The following PRELID2 variants were observed in gnomAD, a reference collection of about 807,000 sequenced individuals.
PRELID2 encodes PRELI domain containing 2.
In PRELID2, 25 loss-of-function variants were observed where a neutral mutation model predicts 28.4. That is an observed-to-expected ratio of 0.88 (90% CI 0.64 to 1.23). The LOEUF (loss-of-function observed/expected upper bound fraction) is 1.23, where lower values mean the gene tolerates loss of function less well. Among genes scored for constraint, PRELID2 ranks in the 50% most tolerant of loss-of-function variants. PRELID2 has a pLI of 0.00. For synonymous variants in PRELID2, 76 were observed against 71.6 expected (o/e 1.06, Z -0.31); for missense variants, 201 against 214.4 (o/e 0.94, Z 0.39).
the PRELID2 span, among the ~76,000 whole-genome samples, chr5:145,320,903 G>T: frequency 6.6e-6 from 1 of 152,164 alleles, no homozygotes; most frequent in African/African-American, 2.4e-5. Flanking sequence ...ATTAACTACT[G>T]TCTGTTGAGC....
At position 145,689,119 on chromosome 5, in the gene PRELID2, A is replaced by G. The variant is rs1328315757; in HGVS notation, n.70+75812T>C. On this transcript the variant is annotated intron_variant and non_coding_transcript_variant, in intron 1 of 2. Coordinates refer to the PRELID2 transcript ENST00000510259. ...TATTATTAAAAAGTATAAATTTGGA[A>G]AAGGGCCGCTGGAGAGATCAAGCCC... Among the ~76,000 whole-genome samples the G allele has an allele frequency of 3.3e-5, 5 of 152,252 alleles. No homozygotes were observed. The East Asian group carries it at 9.7e-4, about 29-fold the overall frequency.
the PRELID2 span, among the ~76,000 whole-genome samples, chr5:145,316,821 C>T: frequency 2.4e-4 from 37 of 152,292 alleles, no homozygotes; most frequent in African/African-American, 8.4e-4. Flanking sequence ...CAAAAGCCAC[C>T]AACAATGTTT....
the PRELID2 span, among the ~76,000 whole-genome samples, chr5:145,340,431 C>G: frequency 6.6e-6 from 1 of 152,156 alleles, no homozygotes; most frequent in Non-Finnish European, 1.5e-5. Context: ...CAGCCCACCA[C>G]TGCCATGACC....
chr5:145,233,303 A>C, the PRELID2 span, among the ~76,000 whole-genome samples: 13 of 152,104 alleles, frequency 8.5e-5, no homozygotes, highest in Non-Finnish European at 1.5e-5. Context: ...TCAAAATGTG[A>C]AGTTCAGATT....
At chr5:145,582,237 T>C (rs1462444841) in intron 1 of PRELID2, among the ~76,000 whole-genome samples, 1 of 152,006 alleles carries the variant, frequency 6.6e-6, no homozygotes, top group Non-Finnish European at 1.5e-5. Flanking sequence ...CTGGATAATT[T>C]ATAAAGAAAA....
chr5:145,415,640 A>G, the PRELID2 span, among the ~76,000 whole-genome samples: 3 of 150,712 alleles, frequency 2.0e-5, no homozygotes, highest in African/African-American at 4.9e-5. Flanking sequence ...ATAGTATTCC[A>G]TGGTGTATAT....
At chr5:145,788,340 G>GT (rs1378184318) in intron 5 of PRELID2, among the ~76,000 whole-genome samples, 2 of 152,192 alleles carry the variant, frequency 1.3e-5, no homozygotes, top group African/African-American at 4.8e-5. Flanking sequence ...TCTTCAGCAT[G>GT]TTTTTGGCAC....
chr5:145,648,371 T>C (rs571630635), intron 1 of PRELID2, among the ~76,000 whole-genome samples: 1 of 152,088 alleles, frequency 6.6e-6, no homozygotes, highest in African/African-American at 2.4e-5. Context: ...AGCAGGTCCA[T>C]GCCTATAAGA....
At chr5:145,297,672 T>C in the PRELID2 span, among the ~76,000 whole-genome samples, 1 of 151,816 alleles carries the variant, frequency 6.6e-6, no homozygotes, top group East Asian at 1.9e-4. Context: ...AAAGAGGAAG[T>C]CAAATTGTCC....
intron 1 of PRELID2, among the ~76,000 whole-genome samples, chr5:145,742,884 A>G (rs766144663): frequency 1.3e-5 from 2 of 152,062 alleles, no homozygotes; most frequent in Non-Finnish European, 2.9e-5. Context: ...CAAATTGCCA[A>G]TATCAGGAAT....
intron 5 of PRELID2, among the ~76,000 whole-genome samples, chr5:145,785,469 C>A (rs1751933806): frequency 6.6e-6 from 1 of 152,198 alleles, no homozygotes; most frequent in African/African-American, 2.4e-5. Flanking sequence ...ATGATGTATA[C>A]TACGATAGTA....
chr5:145,740,992 AAT>A lies in PRELID2; in HGVS notation n.70+23937_70+23938del, dbSNP rs1408651370. ...ATATTATATATTTGTGTATAAATAA[AAT>A]ATATATTATATATTTGTATACAAAT... On this transcript the variant is annotated intron_variant and non_coding_transcript_variant, in intron 1 of 2. Coordinates refer to the PRELID2 transcript ENST00000510259. Among the ~76,000 whole-genome samples the A allele has an allele frequency of 8.4e-3, 949 of 112,972 alleles. 6 individuals carry two copies. The highest frequency in any genetic ancestry group is 0.013 in the Non-Finnish European group (785 of 59,918). 74.1% of individuals were successfully genotyped at this position (112,972 alleles called of 152,430 possible). A position where few individuals can be genotyped will look rare whatever the true frequency, so the allele number is the denominator to read the frequency against.
the PRELID2 span, among the ~76,000 whole-genome samples, chr5:145,367,202 C>T: frequency 8.6e-5 from 13 of 151,872 alleles, no homozygotes; most frequent in Non-Finnish European, 1.6e-4. Flanking sequence ...CCTTCTTTGA[C>T]CACTCTATAT....
chr5:145,490,217 G>A (rs1029280212), intron 1 of PRELID2, among the ~76,000 whole-genome samples: 4 of 152,012 alleles, frequency 2.6e-5, no homozygotes, highest in African/African-American at 9.7e-5. Context: ...TTCTTTGTGC[G>A]CTTATCTAGA....
At chr5:145,600,249 G>A (rs1213981047) in intron 1 of PRELID2, among the ~76,000 whole-genome samples, 3 of 151,210 alleles carry the variant, frequency 2.0e-5, no homozygotes, top group African/African-American at 7.3e-5. Flanking sequence ...TTTGAGTATG[G>A]CACAATAGGT....
At chr5:145,402,822 G>A in the PRELID2 span, among the ~76,000 whole-genome samples, 3 of 152,162 alleles carry the variant, frequency 2.0e-5, no homozygotes, top group African/African-American at 7.2e-5. Flanking sequence ...CTGAATCGAT[G>A]TCATATGTTT....
chr5:145,504,453 A>T (rs4912696), intron 1 of PRELID2, among the ~76,000 whole-genome samples: 27,181 of 152,140 alleles, frequency 0.18, 2,758 homozygotes, highest in South Asian at 0.36. Context: ...AGCGATACAC[A>T]TAACATTTTC....
intron 1 of PRELID2, among the ~76,000 whole-genome samples, chr5:145,654,718 T>C (rs1754361938): frequency 6.6e-6 from 1 of 152,144 alleles, no homozygotes; most frequent in African/African-American, 2.4e-5. Context: ...CTAAAAACTC[T>C]CAATAAATTA....
intron 1 of PRELID2, among the ~76,000 whole-genome samples, chr5:145,492,219 A>G (rs550923493): frequency 1.3e-5 from 2 of 152,292 alleles, no homozygotes; most frequent in East Asian, 3.9e-4. Context: ...TCGCTTTGAT[A>G]CAAGATGTGA....
Sources: gnomAD v4.1 joint callset for allele counts (sites outside exome capture counted in the v4.1 genomes callset) on GRCh38, gnomAD v4.1.1 for gene constraint, MANE v1.5 for transcripts, NCBI Gene and HGNC (gene_info 2026-07-23, HGNC 2026-07-21) for gene names.